The following COX10 variants were observed in gnomAD, a reference collection of about 807,000 sequenced individuals.
The protein encoded by COX10 is protoheme IX farnesyltransferase, mitochondrial.
Under a neutral mutation model 37.3 loss-of-function variants are expected in COX10, and 27 were observed. The observed-to-expected ratio is 0.72, with a 90% CI of 0.53 to 1.00. The LOEUF (loss-of-function observed/expected upper bound fraction) is 1.00. Among genes scored for constraint, COX10 ranks in the 50% least tolerant of loss-of-function variants. COX10 has a pLI of 0.00. For synonymous variants in COX10, 222 were observed against 229.1 expected (o/e 0.97, Z 0.28); for missense variants, 475 against 563.2 (o/e 0.84, Z 1.59).
At chr17:14,201,708 C>A (rs1906545596) in intron 6 of COX10, among the ~76,000 whole-genome samples, 1 of 152,126 alleles carries the variant, frequency 6.6e-6, no homozygotes, top group South Asian at 2.1e-4. Context: ...AATTCCTTCC[C>A]CCATTTCTAA....
At chr17:14,144,521 T>TGTTTG (rs1188757751) in intron 4 of COX10, among the ~76,000 whole-genome samples, 1 of 152,096 alleles carries the variant, frequency 6.6e-6, no homozygotes, top group Non-Finnish European at 1.5e-5. Flanking sequence ...GTTTGAAAGG[T>TGTTTG]GTTTGGTTTT....
At chr17:14,152,751 G>A (rs769806201) in intron 4 of COX10, among the ~76,000 whole-genome samples, 1 of 152,080 alleles carries the variant, frequency 6.6e-6, no homozygotes, top group Non-Finnish European at 1.5e-5. Flanking sequence ...TCTAAACATC[G>A]GACTTTGATG....
At chr17:14,108,289 A>G (rs1915940754) in intron 4 of COX10, among the ~76,000 whole-genome samples, 1 of 152,196 alleles carries the variant, frequency 6.6e-6, no homozygotes, top group Non-Finnish European at 1.5e-5. Context: ...TTGTACATAC[A>G]TTAGATCATT....
intron 4 of COX10, among the ~76,000 whole-genome samples, chr17:14,129,726 G>A (rs528268501): frequency 6.6e-6 from 1 of 152,260 alleles, no homozygotes; most frequent in Non-Finnish European, 1.5e-5. Flanking sequence ...GGCTGTTTGT[G>A]CCTAACAAAA....
chr17:14,120,784 G>A (rs1916212825), intron 4 of COX10, among the ~76,000 whole-genome samples: 1 of 152,198 alleles, frequency 6.6e-6, no homozygotes, highest in East Asian at 1.9e-4. Flanking sequence ...ACACAAAAAT[G>A]AGTGAAAACT....
chr17:14,178,936 C>T (rs924928976), intron 5 of COX10, among the ~76,000 whole-genome samples: 1 of 152,166 alleles, frequency 6.6e-6, no homozygotes, highest in Admixed American at 6.5e-5. Context: ...GTACCTAAGG[C>T]AAAGGGAAGG....
chr17:14,151,729 T>A (rs1904904648), intron 4 of COX10, among the ~76,000 whole-genome samples: 1 of 152,160 alleles, frequency 6.6e-6, no homozygotes, highest in Non-Finnish European at 1.5e-5. Flanking sequence ...GAAAGATTAT[T>A]CCAAATACTT....
At chr17:14,127,648 G>A (rs1433498027) in intron 4 of COX10, among the ~76,000 whole-genome samples, 7 of 152,052 alleles carry the variant, frequency 4.6e-5, no homozygotes, top group East Asian at 1.9e-4. Flanking sequence ...AATTATATAC[G>A]TGTGTGAATG....
chr17:14,152,079 T>G (rs1451681517), intron 4 of COX10, among the ~76,000 whole-genome samples: 4 of 152,190 alleles, frequency 2.6e-5, no homozygotes, highest in African/African-American at 9.7e-5. Context: ...CTAAATACCT[T>G]TAAGCAGCGG....
At chr17:14,111,197 C>A (rs1301066653) in intron 4 of COX10, among the ~76,000 whole-genome samples, 1 of 152,108 alleles carries the variant, frequency 6.6e-6, no homozygotes, top group African/African-American at 2.4e-5. Flanking sequence ...TTCATGACCA[C>A]CCATTTCTGT....
intron 5 of COX10, among the ~76,000 whole-genome samples, chr17:14,178,450 C>T (rs1249825927): frequency 3.7e-5 from 5 of 136,706 alleles, no homozygotes; most frequent in African/African-American, 1.2e-4. Context: ...AGGGCTCTCC[C>T]GGCACCTCTG....
Position 14,069,516 on chromosome 17 carries a change from G to T in COX10, c.-90G>T, listed in dbSNP as rs886052598. On this transcript the variant is annotated 5_prime_UTR_variant, in exon 1 of 7. The change creates a new upstream start codon in the 5' untranslated region. Coordinates refer to ENST00000261643, the MANE Select transcript of COX10 (RefSeq NM_001303.4). ...GTGGCGGCCCGGAACTACTCCCACAGGGGGGCGGGGAAGGAAGATGGCGGC... is the reference window on the plus strand; with the variant it reads ...GTGGCGGCCCGGAACTACTCCCACATGGGGGCGGGGAAGGAAGATGGCGGC... 2.6e-6 allele frequency: 4 copies of T among 1,510,928 alleles called. No homozygotes were observed. The Admixed American group carries it at 5.2e-5, about 20-fold the overall frequency. 93.6% of individuals were successfully genotyped at this position (1,510,928 alleles called of 1,614,324 possible).
At chr17:14,151,211 T>C (rs1904882719) in intron 4 of COX10, among the ~76,000 whole-genome samples, 1 of 152,162 alleles carries the variant, frequency 6.6e-6, no homozygotes, top group African/African-American at 2.4e-5. Context: ...TAAGCCTAAC[T>C]GAAAGCATTA....
At chr17:14,154,937 G>A (rs541061665) in intron 4 of COX10, among the ~76,000 whole-genome samples, 2 of 152,284 alleles carry the variant, frequency 1.3e-5, no homozygotes, top group South Asian at 2.1e-4. Flanking sequence ...TGAAAGTAGC[G>A]TTAGGGCTAG....
chr17:14,120,263 T>C (rs185677584), intron 4 of COX10, among the ~76,000 whole-genome samples: 1 of 152,262 alleles, frequency 6.6e-6, no homozygotes, highest in African/African-American at 2.4e-5. Context: ...GATGGATATG[T>C]AGGTCTAGAG....
intron 4 of COX10, among the ~76,000 whole-genome samples, chr17:14,153,132 C>T (rs1597524376): frequency 1.3e-5 from 2 of 152,296 alleles, no homozygotes; most frequent in South Asian, 4.1e-4. Context: ...CAACACAGAG[C>T]CATCATGGTT....
chr17:14,146,374 G>C (rs1904719191), intron 4 of COX10, among the ~76,000 whole-genome samples: 1 of 152,022 alleles, frequency 6.6e-6, no homozygotes, highest in African/African-American at 2.4e-5. Flanking sequence ...TTTAGCAAAG[G>C]TGCCAAGAAC....
At chr17:14,074,901 A>G (rs1420601671) in intron 2 of COX10, among the ~76,000 whole-genome samples, 1 of 152,230 alleles carries the variant, frequency 6.6e-6, no homozygotes, top group African/African-American at 2.4e-5. Flanking sequence ...AAATTCAAAC[A>G]ATTCGACAGT....
In COX10 at chr17:14,166,302, T is replaced by A. The variant is rs371175234; in HGVS notation, c.695+6355T>A. On this transcript the variant is annotated intron_variant, in intron 5 of 6. Transcript: ENST00000261643. The stretch of plus-strand genomic sequence containing the variant: ...GGCTAAGACTGATGCTATCTTTGAG[T>A]TGAAGCCAGTGCTCATTTACCATTC... Among the ~76,000 whole-genome samples the A allele has an allele frequency of 6.6e-5, 10 of 152,230 alleles. No individual in the cohort carries two copies. In the South Asian group the frequency reaches 1.0e-3, roughly 16 times the overall value.
Sources: gnomAD v4.1 joint callset for allele counts (sites outside exome capture counted in the v4.1 genomes callset) on GRCh38, gnomAD v4.1.1 for gene constraint, MANE v1.5 for transcripts, NCBI Gene and HGNC (gene_info 2026-07-23, HGNC 2026-07-21) for gene names.